The following RNASEH2B variants were observed in gnomAD, a reference collection of about 807,000 sequenced individuals.
RNASEH2B encodes the protein Aicardi-Goutieres syndrome 2 protein.
In RNASEH2B, 36 loss-of-function variants were observed where a neutral mutation model predicts 45.0. That is an observed-to-expected ratio of 0.80 (90% CI 0.61 to 1.06). RNASEH2B has a LOEUF of 1.06. RNASEH2B is among the 50% of genes least tolerant of loss of function. The pLI is 0.00. For synonymous variants in RNASEH2B, 119 were observed against 125.7 expected, an observed-to-expected ratio of 0.95 and a Z score of 0.35; for missense variants, 361 against 360.3, an observed-to-expected ratio of 1.00 and a Z score of -0.02.
chr13:50,951,757 G>A (rs1951978022), intron 9 of RNASEH2B: 1 of 152,110 alleles, frequency 6.6e-6, no homozygotes, highest in African/African-American at 2.4e-5. Flanking sequence ...TTTAGTAAAT[G>A]CTTCAATCAT....
intron 4 of RNASEH2B, among the ~76,000 whole-genome samples, chr13:50,931,984 TCC>T (rs1491443979): frequency 1.0e-5 from 1 of 95,550 alleles, no homozygotes; most frequent in Non-Finnish European, 2.4e-5. Flanking sequence ...ACACACACAC[TCC>T]CTTTTGTTAA....
chr13:50,925,541 C>T (rs1951582838), intron 1 of RNASEH2B, among the ~76,000 whole-genome samples: 1 of 152,114 alleles, frequency 6.6e-6, no homozygotes. Flanking sequence ...TTGGTAGGAC[C>T]AGTCCAGCAA....
chr13:50,917,558 C>T (rs1879814294), intron 1 of RNASEH2B, among the ~76,000 whole-genome samples: 1 of 152,178 alleles, frequency 6.6e-6, no homozygotes, highest in Non-Finnish European at 1.5e-5. Flanking sequence ...TTGTATTTGA[C>T]CCTCTTGATG....
chr13:50,945,409 C>T lies in RNASEH2B; in HGVS notation c.511-18C>T, dbSNP rs769769085. The stretch of plus-strand genomic sequence containing the variant: ...AAGTTGAAAATACCCTGCCTTTCCC[C>T]TCTTGGTTGCTTCATAGGTTAATCA... On this transcript the variant is annotated intron_variant, in intron 6 of 10. Transcript: ENST00000336617. 10 of 1,562,524 alleles carry T rather than the reference C, an allele frequency of 6.4e-6. 1 individual carries two copies. The South Asian group carries it at 8.9e-5, about 14-fold the overall frequency.
At chr13:50,926,511 T>C (rs1404755506) in intron 1 of RNASEH2B, among the ~76,000 whole-genome samples, 1 of 152,182 alleles carries the variant, frequency 6.6e-6, no homozygotes, top group Non-Finnish European at 1.5e-5. Flanking sequence ...TTTTAATCTA[T>C]GTGATAAAAA....
chr13:50,949,441 T>C (rs780442662), intron 8 of RNASEH2B, 22 bp from the exon 9 acceptor site: 17 of 1,611,486 alleles, frequency 1.1e-5, no homozygotes, highest in African/African-American at 1.3e-5. Context: ...ATGACTTTGA[T>C]TGTTATTTTT....
intron 9 of RNASEH2B, among the ~76,000 whole-genome samples, chr13:50,967,539 A>G (rs1223091300): frequency 2.0e-5 from 3 of 152,206 alleles, no homozygotes; most frequent in African/African-American, 7.2e-5. Flanking sequence ...AGGGAAGGTC[A>G]GCTCATTTCC....
chr13:50,919,406 G>A (rs949000548), intron 1 of RNASEH2B, among the ~76,000 whole-genome samples: 2 of 152,164 alleles, frequency 1.3e-5, no homozygotes, highest in Admixed American at 6.5e-5. Flanking sequence ...ATCTGGGGGT[G>A]GTGGGGAGAA....
intron 4 of RNASEH2B, chr13:50,933,861 TTCTTACTA>T (rs1288549470): frequency 1.3e-5 from 2 of 152,204 alleles, no homozygotes; most frequent in African/African-American, 4.8e-5. Flanking sequence ...CTGTGCATTA[TTCTTACTA>T]TTTGAAGGAA....
chr13:50,931,266 G>C (rs1469958661), intron 4 of RNASEH2B, among the ~76,000 whole-genome samples: 1 of 152,032 alleles, frequency 6.6e-6, no homozygotes, highest in Non-Finnish European at 1.5e-5. Context: ...TAAAGACACA[G>C]CTTACTAATA....
At chr13:50,921,423 T>A (rs981205118) in intron 1 of RNASEH2B, 2 of 152,230 alleles carry the variant, frequency 1.3e-5, no homozygotes, top group Non-Finnish European at 2.9e-5. Context: ...CTTCTCTAAT[T>A]AATTTAGCTA....
chr13:50,940,913 C>G (rs1355241935), intron 5 of RNASEH2B: 1 of 152,208 alleles, frequency 6.6e-6, no homozygotes, highest in Non-Finnish European at 1.5e-5. Context: ...AAGTGAACAT[C>G]AGATCCACAG....
intron 5 of RNASEH2B, chr13:50,941,551 A>G (rs1026270808): frequency 6.6e-6 from 1 of 152,166 alleles, no homozygotes; most frequent in Non-Finnish European, 1.5e-5. Flanking sequence ...TTTCAGGAGA[A>G]CCTTGAGCAG....
chr13:50,948,616 CTTT>C (rs1362223643), intron 8 of RNASEH2B: 1 of 152,286 alleles, frequency 6.6e-6, no homozygotes, highest in Non-Finnish European at 1.5e-5. Flanking sequence ...TACATTTAGA[CTTT>C]AAGTTGAAAA....
chr13:50,953,925 G>T lies in RNASEH2B; in HGVS notation c.762G>T (p.Glu254Asp). ...PPSKKIKLSD[E>D]PVEAKEDYTK... ...TGCAGAAAATAAAGTTATCAGATGA[G>T]CCTGTAGAAGCAAAAGAAGATTACA... Residue 254 changes from glutamate to aspartate, a missense_variant, in exon 10 of 11, where the codon GAG becomes GAT. By Grantham distance (45) the Glu-to-Asp change is conservative (BLOSUM62 2). Transcript: ENST00000336617. The T allele has an allele frequency of 1.2e-6, 2 of 1,605,574 alleles. No homozygotes were observed. Among genetic ancestry groups the T allele is most frequent in the East Asian group, 4.5e-5 (2 of 44,838 alleles).
intron 1 of RNASEH2B, 72 bp from the exon 2 acceptor site, chr13:50,927,335 A>G: frequency 1.1e-6 from 1 of 907,574 alleles, no homozygotes; most frequent in East Asian, 2.4e-5. Context: ...AAGAAAGGAA[A>G]ACAGGGTAAA....
At chr13:50,964,518 G>A (rs886502896) in intron 9 of RNASEH2B, among the ~76,000 whole-genome samples, 1 of 152,152 alleles carries the variant, frequency 6.6e-6, no homozygotes, top group Non-Finnish European at 1.5e-5. Context: ...AAGATGAGAG[G>A]AGGAGCTGCT....
At position 50,930,755 on chromosome 13, in the gene RNASEH2B, A is replaced by C. The variant is rs755936337; in HGVS notation, c.317A>C (p.Lys106Thr). The C allele has an allele frequency of 6.2e-7, 1 of 1,612,782 alleles. No homozygotes were observed. The highest frequency in any genetic ancestry group is 8.5e-7 in the Non-Finnish European group (1 of 1,178,726). The change falls in exon 4 of 11, where the codon AAG (lysine) becomes ACG (threonine). Residue 106 changes from lysine to threonine, a missense_variant. Coordinates refer to ENST00000336617, the MANE Select transcript of RNASEH2B (RefSeq NM_024570.4). ...CTCCACTACCTCATAAAGGCTGATA[A>C]GGAGGTGAGTTTCCAGCTCGGAGCA... is the stretch of plus-strand genomic sequence containing the variant. ...LLLHYLIKAD[K>T]EGKFQPLDQV...
chr13:50,913,793 C>G (rs1206995978), intron 1 of RNASEH2B, among the ~76,000 whole-genome samples: 1 of 152,178 alleles, frequency 6.6e-6, no homozygotes. Context: ...GAATCCCTGT[C>G]TACCTTAGAC....
Sources: gnomAD v4.1 joint callset for allele counts (sites outside exome capture counted in the v4.1 genomes callset) on GRCh38, gnomAD v4.1.1 for gene constraint, MANE v1.5 for transcripts, NCBI Gene and HGNC (gene_info 2026-07-23, HGNC 2026-07-21) for gene names.